The following RSBN1L variants were observed in gnomAD, a reference collection of about 807,000 sequenced individuals.
RSBN1L encodes lysine-specific demethylase RSBN1L.
Under a neutral mutation model 67.7 loss-of-function variants are expected in RSBN1L, and 30 were observed. That is an observed-to-expected ratio of 0.44 (90% CI 0.33 to 0.60). The LOEUF (loss-of-function observed/expected upper bound fraction) is 0.60. Among genes scored for constraint, RSBN1L ranks in the 20% least tolerant of loss-of-function variants. The probability of loss-of-function intolerance (pLI) is 0.02; values close to 1 mark genes in which losing one functional copy is unlikely to be tolerated. For missense variants in RSBN1L, 992 were observed against 1,031.7 expected, an observed-to-expected ratio of 0.96 and a Z score of 0.53; for synonymous variants, 433 against 387.0, an observed-to-expected ratio of 1.12 and a Z score of -1.39.
chr7:77,777,292 A>G (rs1584307522), intron 6 of RSBN1L, among the ~76,000 whole-genome samples: 1 of 152,108 alleles, frequency 6.6e-6, no homozygotes, highest in South Asian at 2.1e-4. Context: ...CTTTAAATTT[A>G]AAGAGAATAA....
intron 2 of RSBN1L, among the ~76,000 whole-genome samples, chr7:77,745,048 G>T (rs1012163273): frequency 1.4e-4 from 22 of 152,086 alleles, no homozygotes; most frequent in Non-Finnish European, 2.8e-4. Flanking sequence ...GATCACTGGA[G>T]GTCAAGAGTT....
chr7:77,766,077 C>G (rs1791762639), intron 4 of RSBN1L, among the ~76,000 whole-genome samples: 1 of 152,244 alleles, frequency 6.6e-6, no homozygotes, highest in African/African-American at 2.4e-5. Flanking sequence ...GGAAATTACA[C>G]ACCCATATTT....
chr7:77,735,273 G>A (rs1791319893), intron 1 of RSBN1L, among the ~76,000 whole-genome samples: 1 of 152,114 alleles, frequency 6.6e-6, no homozygotes, highest in Admixed American at 6.6e-5. Context: ...TTCAAATTGA[G>A]ATGTGTCATA....
chr7:77,720,763 C>CTTTTT (rs34070122), intron 1 of RSBN1L, among the ~76,000 whole-genome samples: 413 of 104,050 alleles, frequency 4.0e-3, no homozygotes, highest in African/African-American at 4.7e-3. Flanking sequence ...TTTTCTTTTT[C>CTTTTT]TTTTTTTTTT....
At chr7:77,768,508 A>G in intron 4 of RSBN1L, 153 bp from the exon 5 acceptor site, 2 of 659,792 alleles carry the variant, frequency 3.0e-6, no homozygotes, top group African/African-American at 1.8e-5. Flanking sequence ...GTATATCAAT[A>G]TATAGGGATA....
chr7:77,754,005 T>C (rs1033635392), intron 3 of RSBN1L, among the ~76,000 whole-genome samples: 3 of 152,220 alleles, frequency 2.0e-5, no homozygotes, highest in Non-Finnish European at 4.4e-5. Context: ...ATTGTTTTGT[T>C]TGTCTAATTG....
rs1357613405 is a variant in RSBN1L, at chr7:77,709,209, T to C, written c.586+12154T>C. Among the ~76,000 whole-genome samples the C allele has an allele frequency of 1.3e-4, 19 of 151,684 alleles. 1 individual carries two copies. Among genetic ancestry groups the C allele is most frequent in the African/African-American group, 4.6e-4 (19 of 41,296 alleles). On this transcript the variant is annotated intron_variant, in intron 1 of 7. Transcript: ENST00000334955. The stretch of plus-strand genomic sequence containing the variant: ...GTGTGTGTGTGTGTATGTATGTGTA[T>C]GTGTATGTGTGTCTGCCTGCCTGTG...
At chr7:77,742,673 A>G (rs1370723560) in intron 2 of RSBN1L, among the ~76,000 whole-genome samples, 1 of 152,148 alleles carries the variant, frequency 6.6e-6, no homozygotes, top group Non-Finnish European at 1.5e-5. Context: ...CCCCGATTCC[A>G]CTAAAAATAC....
chr7:77,778,953 A>G lies in RSBN1L; in HGVS notation c.2326A>G (p.Thr776Ala). The change falls in exon 8 of 8, where the codon ACA (threonine) becomes GCA (alanine). Residue 776 changes from threonine to alanine, a missense_variant. Thr to Ala is a moderately conservative substitution (Grantham distance 58, BLOSUM62 0). This residue lies in a region of RSBN1L where 199 missense variants were observed against 167.7 expected (regional missense o/e 1.19). Transcript: ENST00000334955. ...PVNVNIPEKT[T>A]ALNNMDGKNV... ...GAATGTTAATATTCCTGAAAAGACT[A>G]CAGCACTGAATAATATGGATGGCAA... 6.2e-7 allele frequency: 1 copy of G among 1,613,808 alleles called. No individual in the cohort carries two copies. The highest frequency in any genetic ancestry group is 8.5e-7 in the Non-Finnish European group (1 of 1,179,700).
Position 77,734,599 on chromosome 7 carries a change from C to G in RSBN1L, c.587-1811C>G, listed in dbSNP as rs1791309184. 2.6e-5 allele frequency among the ~76,000 whole-genome samples: 4 copies of G among 152,010 alleles called. No homozygotes were observed. The South Asian group carries it at 8.3e-4, about 32-fold the overall frequency. ...CACCTCCCGGGTTCAAGCGATTCTTCTACCTCAGTCTCCCAAGTAGCTGGG... is the reference window on the plus strand; with the variant it reads ...CACCTCCCGGGTTCAAGCGATTCTTGTACCTCAGTCTCCCAAGTAGCTGGG... On this transcript the variant is annotated intron_variant, in intron 1 of 7. Coordinates refer to ENST00000334955, the MANE Select transcript of RSBN1L (RefSeq NM_198467.3).
chr7:77,779,121 T>G lies in RSBN1L; in HGVS notation c.2494T>G (p.Ser832Ala). Residue 832 changes from serine (S) to alanine (A), a missense_variant, in exon 8 of 8, where the codon TCA becomes GCA. This residue lies in a region of RSBN1L where 199 missense variants were observed against 167.7 expected (regional missense o/e 1.19). Transcript: ENST00000334955. The stretch of plus-strand genomic sequence containing the variant: ...TCTAGTTGATACAAGGCAACACAGT[T>G]CAGCACATTCAAATCAAGATAAAAA... ...LSLVDTRQHS[S>A]AHSNQDKKDD... 1.2e-6 allele frequency: 2 copies of G among 1,604,250 alleles called. No individual in the cohort carries two copies. Among genetic ancestry groups the G allele is most frequent in the Non-Finnish European group, 1.7e-6 (2 of 1,176,664 alleles).
intron 5 of RSBN1L, among the ~76,000 whole-genome samples, chr7:77,770,346 G>A (rs1469572496): frequency 2.0e-5 from 3 of 152,052 alleles, no homozygotes; most frequent in Admixed American, 6.6e-5. Flanking sequence ...CTGCACTCCA[G>A]CCTGGCCGAT....
intron 5 of RSBN1L, among the ~76,000 whole-genome samples, chr7:77,769,274 A>G (rs1791814127): frequency 6.6e-6 from 1 of 152,230 alleles, no homozygotes; most frequent in African/African-American, 2.4e-5. Context: ...GTGAAAGAGA[A>G]GATTAGTGAG....
Position 77,782,407 on chromosome 7 carries a change from CT to C in RSBN1L, c.*3240del. ...GTGGAATCTGCTACAGTGCTTCCCC[CT>C]CCCTACCCCTCCATTTTGTTTATAA... On this transcript the variant is annotated 3_prime_UTR_variant, in exon 8 of 8. Transcript: ENST00000334955. 1 of 152,314 alleles carries C rather than the reference CT, an allele frequency of 6.6e-6. No homozygotes were observed. The highest frequency in any genetic ancestry group is 1.9e-4 in the East Asian group (1 of 5,182). 9.4% of individuals were successfully genotyped at this position (152,314 alleles called of 1,614,324 possible).
chr7:77,742,256 A>G (rs1368875565), intron 2 of RSBN1L, among the ~76,000 whole-genome samples: 1 of 151,954 alleles, frequency 6.6e-6, no homozygotes, highest in African/African-American at 2.4e-5. Context: ...ACAGACACAC[A>G]GTGAAAGGAT....
intron 6 of RSBN1L, 89 bp from the exon 7 acceptor site, chr7:77,778,249 C>A (rs1791944727): frequency 2.4e-6 from 2 of 826,384 alleles, no homozygotes; most frequent in Non-Finnish European, 3.9e-6. Flanking sequence ...ATGGTATTGA[C>A]CATAAAGTAT....
chr7:77,764,848 G>A (rs1474995254), intron 3 of RSBN1L, among the ~76,000 whole-genome samples: 1 of 152,076 alleles, frequency 6.6e-6, no homozygotes, highest in African/African-American at 2.4e-5. Flanking sequence ...GGCCAGGATG[G>A]TCTTGATCTC....
intron 2 of RSBN1L, among the ~76,000 whole-genome samples, chr7:77,748,359 T>G (rs1791510873): frequency 1.3e-5 from 2 of 152,194 alleles, no homozygotes; most frequent in Non-Finnish European, 2.9e-5. Flanking sequence ...TGAGTAAATA[T>G]GACTGGATTT....
intron 6 of RSBN1L, among the ~76,000 whole-genome samples, chr7:77,775,839 T>C (rs1791906221): frequency 6.6e-6 from 1 of 152,172 alleles, no homozygotes; most frequent in Non-Finnish European, 1.5e-5. Context: ...GCGGATCACC[T>C]GAGGTCAGGA....
Sources: gnomAD v4.1 joint callset for allele counts (sites outside exome capture counted in the v4.1 genomes callset) on GRCh38, gnomAD v4.1.1 for gene constraint, gnomAD v4.1.1 regional missense constraint, MANE v1.5 for transcripts, NCBI Gene and HGNC (gene_info 2026-07-23, HGNC 2026-07-21) for gene names.